Variants in HIBADH observed in about 807,000 individuals in gnomAD.
HIBADH encodes 3-hydroxyisobutyrate dehydrogenase, mitochondrial.
Under a neutral mutation model 36.1 loss-of-function variants are expected in HIBADH, and 25 were observed. That is an observed-to-expected ratio of 0.69 (90% CI 0.50 to 0.97). The LOEUF (loss-of-function observed/expected upper bound fraction) is 0.97, where lower values mean the gene tolerates loss of function less well. HIBADH is among the 50% of genes least tolerant of loss of function. HIBADH has a pLI of 0.00. For missense variants in HIBADH, 421 were observed against 418.0 expected (o/e 1.01, Z -0.06); for synonymous variants, 160 against 149.5 (o/e 1.07, Z -0.51).
At chr7:27,654,558 A>G (rs529420977) in intron 1 of HIBADH, among the ~76,000 whole-genome samples, 1 of 152,306 alleles carries the variant, frequency 6.6e-6, no homozygotes, top group South Asian at 2.1e-4. Flanking sequence ...GTGGTGCAAC[A>G]TTTTTTAAAT....
intron 5 of HIBADH, 125 bp from the exon 6 acceptor site, chr7:27,538,542 C>A: frequency 2.6e-6 from 2 of 780,382 alleles, no homozygotes; most frequent in South Asian, 1.6e-5. Flanking sequence ...TTGATTTTCT[C>A]GAGTGCGGAA....
intron 4 of HIBADH, among the ~76,000 whole-genome samples, chr7:27,546,033 A>G (rs549766438): frequency 2.6e-5 from 4 of 152,348 alleles, no homozygotes; most frequent in Non-Finnish European, 5.9e-5. Context: ...AGTGTATAAA[A>G]CAGGAAAAGT....
chr7:27,653,053 TA>T (rs527386480), intron 1 of HIBADH, among the ~76,000 whole-genome samples: 124 of 151,926 alleles, frequency 8.2e-4, no homozygotes, highest in African/African-American at 2.9e-3. Context: ...TGCTTGAACA[TA>T]GGGGGTGGAG....
At chr7:27,596,199 G>A (rs1442306942) in intron 4 of HIBADH, among the ~76,000 whole-genome samples, 1 of 152,200 alleles carries the variant, frequency 6.6e-6, no homozygotes, top group Admixed American at 6.5e-5. Flanking sequence ...CTTGAATGCT[G>A]TGTCCTCTGG....
At chr7:27,637,204 T>G (rs1427040310) in intron 2 of HIBADH, among the ~76,000 whole-genome samples, 1 of 152,162 alleles carries the variant, frequency 6.6e-6, no homozygotes, top group African/African-American at 2.4e-5. Flanking sequence ...CCCCATTTTA[T>G]ATAAGAATAA....
At chr7:27,564,209 T>C (rs536861161) in intron 4 of HIBADH, among the ~76,000 whole-genome samples, 1 of 152,332 alleles carries the variant, frequency 6.6e-6, no homozygotes, top group African/African-American at 2.4e-5. Context: ...TTAATTTTCA[T>C]AAAGTACAAT....
At chr7:27,611,356 G>A (rs1206662644) in intron 4 of HIBADH, among the ~76,000 whole-genome samples, 1 of 152,186 alleles carries the variant, frequency 6.6e-6, no homozygotes, top group Non-Finnish European at 1.5e-5. Flanking sequence ...CCTGGGAGCA[G>A]ACTGAACAGT....
intron 4 of HIBADH, among the ~76,000 whole-genome samples, chr7:27,623,999 T>C (rs1345315595): frequency 3.3e-5 from 5 of 152,162 alleles, no homozygotes; most frequent in Non-Finnish European, 5.9e-5. Context: ...GGTTTCACAT[T>C]GTTGCCCAGG....
At chr7:27,644,556 C>T (rs538394873) in intron 2 of HIBADH, among the ~76,000 whole-genome samples, 3 of 146,480 alleles carry the variant, frequency 2.0e-5, no homozygotes, top group Non-Finnish European at 4.4e-5. Flanking sequence ...GCCAAGATTG[C>T]GCCACTGCAC....
At chr7:27,632,297 A>T in intron 3 of HIBADH, 39 bp downstream of exon 3, 1 of 1,307,888 alleles carries the variant, frequency 7.6e-7, no homozygotes, top group Non-Finnish European at 1.1e-6. Flanking sequence ...TTCATGAACT[A>T]TCATAACAAG....
chr7:27,542,938 A>C, intron 5 of HIBADH, 29 bp downstream of exon 5: 1 of 1,606,096 alleles, frequency 6.2e-7, no homozygotes, highest in Non-Finnish European at 8.5e-7. Context: ...TACATCATCA[A>C]GTCAAGGTCA....
chr7:27,528,521 T>C (rs936518290), intron 7 of HIBADH, among the ~76,000 whole-genome samples: 2 of 152,158 alleles, frequency 1.3e-5, no homozygotes, highest in African/African-American at 2.4e-5. Context: ...GTGGTCTGGA[T>C]AGATCAAACC....
intron 1 of HIBADH, among the ~76,000 whole-genome samples, chr7:27,659,985 G>C (rs1333989068): frequency 1.3e-5 from 2 of 152,204 alleles, no homozygotes; most frequent in Admixed American, 6.5e-5. Flanking sequence ...GAGTACAGGA[G>C]TTCAAGGTTG....
At chr7:27,557,257 G>A (rs1233760767) in intron 4 of HIBADH, among the ~76,000 whole-genome samples, 1 of 151,442 alleles carries the variant, frequency 6.6e-6, no homozygotes, top group Non-Finnish European at 1.5e-5. Context: ...TATCTCAAGA[G>A]AATGGACATG....
At chr7:27,633,858 GA>G (rs1368782822) in intron 2 of HIBADH, among the ~76,000 whole-genome samples, 1 of 152,072 alleles carries the variant, frequency 6.6e-6, no homozygotes, top group African/African-American at 2.4e-5. Context: ...ATTTCTACTA[GA>G]AAATGTGAAG....
intron 4 of HIBADH, among the ~76,000 whole-genome samples, chr7:27,567,335 T>C (rs566644040): frequency 6.6e-6 from 1 of 152,334 alleles, no homozygotes; most frequent in Admixed American, 6.5e-5. Context: ...AGTATTTACA[T>C]GGTATATCTT....
rs142070944 is a variant in HIBADH, at chr7:27,567,264, CTT to C, written c.485-24166_485-24165del. ...TTAGTGTCTTCTTGGTGAATTGACT[CTT>C]ATCATTATGTAATGTCCTTCTATAC... On this transcript the variant is annotated intron_variant, in intron 4 of 7. Coordinates refer to ENST00000265395, the MANE Select transcript of HIBADH (RefSeq NM_152740.4). 2.5e-3 allele frequency among the ~76,000 whole-genome samples: 379 copies of C among 152,142 alleles called. 5 individuals are homozygous for C. Among genetic ancestry groups the C allele is most frequent in the African/African-American group, 8.8e-3 (367 of 41,526 alleles).
chr7:27,578,142 GA>G (rs1425186334), intron 4 of HIBADH, among the ~76,000 whole-genome samples: 4 of 152,218 alleles, frequency 2.6e-5, no homozygotes, highest in Admixed American at 6.5e-5. Flanking sequence ...ATAGGGTTCT[GA>G]AAATGTGGAG....
chr7:27,653,554 T>C (rs1786239500), intron 1 of HIBADH, among the ~76,000 whole-genome samples: 1 of 151,904 alleles, frequency 6.6e-6, no homozygotes, highest in African/African-American at 2.4e-5. Flanking sequence ...GCTAACATGG[T>C]GAAACCCCGT....
Sources: allele counts gnomAD v4.1 joint callset (sites outside exome capture counted in the v4.1 genomes callset), GRCh38; gene constraint gnomAD v4.1.1; transcripts MANE v1.5; gene names NCBI Gene and HGNC (gene_info 2026-07-23, HGNC 2026-07-21).